Variants in CSTPP1 observed in about 807,000 individuals in gnomAD.
CSTPP1 encodes the protein UPF0705 protein C11orf49.
chr11:47,055,932 A>G, the CSTPP1 span, among the ~76,000 whole-genome samples: 3 of 152,220 alleles, frequency 2.0e-5, no homozygotes, highest in Non-Finnish European at 4.4e-5. Context: ...ATTGGTCTCT[A>G]TGTAAACAAA....
the CSTPP1 span, among the ~76,000 whole-genome samples, chr11:46,967,882 T>A: frequency 6.6e-6 from 1 of 151,686 alleles, no homozygotes; most frequent in Non-Finnish European, 1.5e-5. Context: ...AATATCAAAT[T>A]AACTTTTATT....
chr11:47,001,110 G>A, the CSTPP1 span, among the ~76,000 whole-genome samples: 1 of 152,144 alleles, frequency 6.6e-6, no homozygotes, highest in Non-Finnish European at 1.5e-5. Flanking sequence ...AGAGGGTGAT[G>A]CACCTTTTCT....
At chr11:47,031,352 T>C in the CSTPP1 span, among the ~76,000 whole-genome samples, 1 of 152,198 alleles carries the variant, frequency 6.6e-6, no homozygotes, top group Non-Finnish European at 1.5e-5. Flanking sequence ...AAATTATTAA[T>C]TTTTAACACA....
At chr11:47,163,170 T>C in the CSTPP1 span, among the ~76,000 whole-genome samples, 3 of 123,114 alleles carry the variant, frequency 2.4e-5, no homozygotes, top group Admixed American at 9.0e-5. Context: ...AATGAGACCA[T>C]CTTAAAAAAA....
At chr11:47,054,268 G>A in the CSTPP1 span, among the ~76,000 whole-genome samples, 6 of 136,350 alleles carry the variant, frequency 4.4e-5, no homozygotes, top group Non-Finnish European at 9.1e-5. Flanking sequence ...CCAAGATCGC[G>A]CTACTGCACT....
At chr11:47,118,882 G>T in the CSTPP1 span, among the ~76,000 whole-genome samples, 1 of 152,224 alleles carries the variant, frequency 6.6e-6, no homozygotes, top group Non-Finnish European at 1.5e-5. Flanking sequence ...CCCCTACTGG[G>T]AGGTGTCTCC....
At chr11:47,133,954 T>C in the CSTPP1 span, among the ~76,000 whole-genome samples, 13 of 152,122 alleles carry the variant, frequency 8.5e-5, no homozygotes, top group Non-Finnish European at 1.9e-4. Flanking sequence ...ATGTTAGCTG[T>C]GTTATTGTTA....
chr11:47,121,037 T>C, the CSTPP1 span, among the ~76,000 whole-genome samples: 2 of 152,242 alleles, frequency 1.3e-5, no homozygotes, highest in African/African-American at 4.8e-5. Context: ...TGCCATCTTA[T>C]GTAATTTAAC....
chr11:47,139,009 A>AAAAAC, the CSTPP1 span, among the ~76,000 whole-genome samples: 1 of 151,070 alleles, frequency 6.6e-6, no homozygotes. Flanking sequence ...AAAAAAAAAA[A>AAAAAC]AAACCTGAGC....
the CSTPP1 span, among the ~76,000 whole-genome samples, chr11:47,103,442 A>G: frequency 6.6e-6 from 1 of 151,836 alleles, no homozygotes; most frequent in Non-Finnish European, 1.5e-5. Flanking sequence ...AAGAAAATTG[A>G]TGGGAATTGA....
the CSTPP1 span, among the ~76,000 whole-genome samples, chr11:46,953,128 A>C: frequency 6.6e-6 from 1 of 152,106 alleles, no homozygotes; most frequent in African/African-American, 2.4e-5. Context: ...CAAAGAAGAT[A>C]CGGGCTGCAA....
the CSTPP1 span, among the ~76,000 whole-genome samples, chr11:46,994,245 T>A: frequency 6.6e-6 from 1 of 152,210 alleles, no homozygotes; most frequent in African/African-American, 2.4e-5. Context: ...TGACTTCCTC[T>A]TTTCCTAATT....
At chr11:47,126,494 T>G in the CSTPP1 span, among the ~76,000 whole-genome samples, 1 of 152,182 alleles carries the variant, frequency 6.6e-6, no homozygotes, top group Non-Finnish European at 1.5e-5. Context: ...CCAGGCATGA[T>G]GGTGCATGCC....
chr11:46,974,868 ACACACACACACAC>A, the CSTPP1 span, among the ~76,000 whole-genome samples: 1 of 10,836 alleles, frequency 9.2e-5, no homozygotes, highest in South Asian at 2.3e-3. Context: ...ACACACACAC[ACACACACACACAC>A]ACACACACAC....
chr11:47,157,035 G>C, the CSTPP1 span: 1 of 1,614,064 alleles, frequency 6.2e-7, no homozygotes, highest in Non-Finnish European at 8.5e-7. Flanking sequence ...TTCCTGGACA[G>C]TGTGGCTGCC....
At chr11:46,958,044 T>G in the CSTPP1 span, among the ~76,000 whole-genome samples, 1 of 152,202 alleles carries the variant, frequency 6.6e-6, no homozygotes, top group South Asian at 2.1e-4. Context: ...CCCCCTCCAT[T>G]TCTACCTCCT....
At chr11:47,090,846 T>C in the CSTPP1 span, among the ~76,000 whole-genome samples, 2 of 151,580 alleles carry the variant, frequency 1.3e-5, no homozygotes, top group Non-Finnish European at 2.9e-5. Flanking sequence ...GAGACCATCC[T>C]GGCTAACACG....
At chr11:47,153,912 T>G in the CSTPP1 span, among the ~76,000 whole-genome samples, 1 of 152,116 alleles carries the variant, frequency 6.6e-6, no homozygotes, top group Non-Finnish European at 1.5e-5. Context: ...GGAGAGAGAT[T>G]TAGAAAAATA....
the CSTPP1 span, among the ~76,000 whole-genome samples, chr11:46,980,616 C>CA: frequency 2.0e-5 from 3 of 150,398 alleles, no homozygotes; most frequent in Admixed American, 6.6e-5. Context: ...CAAAGCACAC[C>CA]AAAAAAAAGC....
Sources: allele counts gnomAD v4.1 joint callset (sites outside exome capture counted in the v4.1 genomes callset), GRCh38; gene constraint gnomAD v4.1.1; transcripts MANE v1.5; gene names NCBI Gene and HGNC (gene_info 2026-07-23, HGNC 2026-07-21).